Variants in COL26A1 observed in about 807,000 individuals in gnomAD.
The protein encoded by COL26A1 is collagen alpha-1(XXVI) chain.
A neutral mutation model predicts 59.3 loss-of-function variants in COL26A1; 41 were observed. The observed-to-expected ratio is 0.69, with a 90% CI of 0.54 to 0.90. The LOEUF (loss-of-function observed/expected upper bound fraction) is 0.90. COL26A1 is among the 40% of genes least tolerant of loss of function. The pLI is 0.00. For synonymous variants in COL26A1, 266 were observed against 256.0 expected (o/e 1.04, Z -0.37); for missense variants, 612 against 602.3 (o/e 1.02, Z -0.17).
At chr7:101,457,424 T>C (rs545550597) in intron 3 of COL26A1, among the ~76,000 whole-genome samples, 1 of 152,310 alleles carries the variant, frequency 6.6e-6, no homozygotes, top group African/African-American at 2.4e-5. Flanking sequence ...TCTAATCTCA[T>C]GTCCTTTCAT....
intron 7 of COL26A1, among the ~76,000 whole-genome samples, chr7:101,546,039 C>T (rs369378922): frequency 5.9e-5 from 9 of 152,348 alleles, no homozygotes; most frequent in East Asian, 1.9e-4. Context: ...TCGGGGGCAC[C>T]GGCCAGTCCA....
intron 3 of COL26A1, among the ~76,000 whole-genome samples, chr7:101,455,322 G>A (rs1306953043): frequency 6.6e-6 from 1 of 152,020 alleles, no homozygotes; most frequent in Non-Finnish European, 1.5e-5. Flanking sequence ...GGGATTACAG[G>A]CATGAGCCAC....
chr7:101,480,494 T>C (rs1287268773), intron 3 of COL26A1, among the ~76,000 whole-genome samples: 1 of 152,134 alleles, frequency 6.6e-6, no homozygotes, highest in Non-Finnish European at 1.5e-5. Flanking sequence ...TTGTTTTAAT[T>C]TATTTTTGTT....
rs550709100 is a variant in COL26A1 at position 101,437,822 on chromosome 7, C to A, written c.282-9862C>A. ...AACTCCTGGACTCAAGCAATCTTCC[C>A]ACCTCAGCCTCCCAAGTACGTGGGG... On this transcript the variant is annotated intron_variant, in intron 2 of 12. Transcript: ENST00000313669. Among the ~76,000 whole-genome samples the A allele has an allele frequency of 5.3e-5, 8 of 151,768 alleles. No individual in the cohort carries two copies. The South Asian group carries it at 1.7e-3, about 32-fold the overall frequency.
At chr7:101,521,954 A>C (rs1359341229) in intron 3 of COL26A1, among the ~76,000 whole-genome samples, 3 of 152,068 alleles carry the variant, frequency 2.0e-5, no homozygotes, top group African/African-American at 7.2e-5. Context: ...TGGTTTGCCT[A>C]CTGTTCTGAC....
At chr7:101,492,753 A>C (rs1794491625) in intron 3 of COL26A1, among the ~76,000 whole-genome samples, 1 of 150,286 alleles carries the variant, frequency 6.7e-6, no homozygotes, top group African/African-American at 2.5e-5. Context: ...TAAATAATAA[A>C]AATAGAGATG....
At chr7:101,415,297 C>T (rs1277698169) in intron 1 of COL26A1, among the ~76,000 whole-genome samples, 16 of 152,194 alleles carry the variant, frequency 1.1e-4, no homozygotes, top group Middle Eastern at 6.8e-3. Context: ...GGATTACAGG[C>T]GCCCTCCACC....
At chr7:101,439,783 AAATC>A (rs151286361) in intron 2 of COL26A1, among the ~76,000 whole-genome samples, 3,359 of 152,220 alleles carry the variant, frequency 0.022, 112 homozygotes, top group African/African-American at 0.077. Flanking sequence ...TTTGCCTCCA[AAATC>A]TAAGAGTTGT....
At chr7:101,366,715 G>T (rs1321840714) in intron 1 of COL26A1, among the ~76,000 whole-genome samples, 1 of 151,800 alleles carries the variant, frequency 6.6e-6, no homozygotes, top group Non-Finnish European at 1.5e-5. Flanking sequence ...TGCCCAGGGT[G>T]GTCTTGAACT....
intron 3 of COL26A1, among the ~76,000 whole-genome samples, chr7:101,451,270 G>A (rs752062584): frequency 1.2e-4 from 17 of 144,110 alleles, no homozygotes; most frequent in Non-Finnish European, 2.3e-4. Context: ...CAATATGAAA[G>A]ATATATTTAT....
At chr7:101,433,060 C>T (rs1792819421) in intron 2 of COL26A1, among the ~76,000 whole-genome samples, 1 of 152,170 alleles carries the variant, frequency 6.6e-6, no homozygotes. Context: ...TGGTGGCTCA[C>T]TCCTGTAATC....
intron 3 of COL26A1, among the ~76,000 whole-genome samples, chr7:101,475,862 CTCTCTCTT>C (rs1297539592): frequency 1.6e-5 from 2 of 123,118 alleles, no homozygotes; most frequent in Non-Finnish European, 3.6e-5. Flanking sequence ...CTCTCTTTTT[CTCTCTCTT>C]TCTTTCTCTT....
chr7:101,510,710 G>C (rs117882269), intron 3 of COL26A1, among the ~76,000 whole-genome samples: 1 of 151,774 alleles, frequency 6.6e-6, no homozygotes, highest in Non-Finnish European at 1.5e-5. Context: ...GGCTGGGAGG[G>C]GGTCTCACGA....
At chr7:101,515,055 G>T (rs1005288011) in intron 3 of COL26A1, among the ~76,000 whole-genome samples, 4 of 152,216 alleles carry the variant, frequency 2.6e-5, no homozygotes, top group African/African-American at 9.6e-5. Flanking sequence ...CCTGGGATAA[G>T]ACCAGTGTGG....
At chr7:101,496,602 G>C (rs1175225563) in intron 3 of COL26A1, among the ~76,000 whole-genome samples, 1 of 152,118 alleles carries the variant, frequency 6.6e-6, no homozygotes, top group African/African-American at 2.4e-5. Context: ...TAGACCCCAA[G>C]AGAGGGTTCT....
intron 3 of COL26A1, among the ~76,000 whole-genome samples, chr7:101,514,619 T>C (rs1165772001): frequency 1.3e-5 from 2 of 152,232 alleles, no homozygotes; most frequent in African/African-American, 4.8e-5. Context: ...CCCCAGGCTC[T>C]GGGGGTGGGT....
At chr7:101,466,795 GGTGTGTGTGTGTGT>G (rs59942660) in intron 3 of COL26A1, among the ~76,000 whole-genome samples, 21 of 125,246 alleles carry the variant, frequency 1.7e-4, no homozygotes, top group South Asian at 5.9e-4. Context: ...GGCATGTTCT[GGTGTGTGTGTGTGT>G]GTGTGTGTGT....
Position 101,501,804 on chromosome 7 carries a change from C to T in COL26A1, c.386-31278C>T, listed in dbSNP as rs566177309. Among the ~76,000 whole-genome samples, 3 of 152,222 alleles carry T rather than the reference C, an allele frequency of 2.0e-5. No homozygotes were observed. The South Asian group carries it at 6.2e-4, about 32-fold the overall frequency. On this transcript the variant is annotated intron_variant, in intron 3 of 12. Transcript: ENST00000313669. The stretch of plus-strand genomic sequence containing the variant: ...GCTGTGTGTGTACATGAGCTGTGTA[C>T]AAGCGTGGACTATGTGTGCAAACAC...
chr7:101,533,954 G>T (rs888336830), intron 4 of COL26A1, among the ~76,000 whole-genome samples: 1 of 152,256 alleles, frequency 6.6e-6, no homozygotes, highest in Non-Finnish European at 1.5e-5. Flanking sequence ...GCCAGGTGGG[G>T]CTGAAGGGTG....
Sources: gnomAD v4.1 joint callset for allele counts (sites outside exome capture counted in the v4.1 genomes callset) on GRCh38, gnomAD v4.1.1 for gene constraint, MANE v1.5 for transcripts, NCBI Gene and HGNC (gene_info 2026-07-23, HGNC 2026-07-21) for gene names.